The following DST variants were observed in gnomAD, a reference collection of about 807,000 sequenced individuals.
DST encodes dystonin.
DST carries 253 observed loss-of-function variants against 875.2 expected under a neutral mutation model. That is an observed-to-expected ratio of 0.29 (90% CI 0.26 to 0.32). The LOEUF (loss-of-function observed/expected upper bound fraction) is 0.32, where lower values mean the gene tolerates loss of function less well. Among genes scored for constraint, DST ranks in the 10% least tolerant of loss-of-function variants. The pLI, the probability that DST is intolerant of heterozygous loss-of-function variation, is 1.00. For synonymous variants in DST, 3,124 were observed against 3,197.1 expected (o/e 0.98, Z 0.77); for missense variants, 8,287 against 9,111.6 (o/e 0.91, Z 3.68).
intron 82 of DST, among the ~76,000 whole-genome samples, chr6:56,496,115 T>C (rs2095892830): frequency 6.6e-6 from 1 of 152,180 alleles, no homozygotes; most frequent in African/African-American, 2.4e-5. Context: ...ATTTCTGATG[T>C]AAATTCACAA....
intron 58 of DST, among the ~76,000 whole-genome samples, chr6:56,558,784 T>C (rs899634555): frequency 3.3e-5 from 5 of 152,126 alleles, no homozygotes; most frequent in Admixed American, 2.6e-4. Context: ...CTCTAATCTA[T>C]CCCTGCTGAT....
At chr6:56,672,421 C>G (rs1415075979) in intron 9 of DST, among the ~76,000 whole-genome samples, 1 of 152,184 alleles carries the variant, frequency 6.6e-6, no homozygotes, top group Non-Finnish European at 1.5e-5. Flanking sequence ...GAATCTGTGC[C>G]AAACTCCAGA....
intron 86 of DST, 129 bp downstream of exon 86, chr6:56,489,361 T>G (rs2095664317): frequency 1.1e-6 from 1 of 873,758 alleles, no homozygotes; most frequent in South Asian, 3.9e-5. Context: ...AGCTTTTAAA[T>G]TTAATACAGG....
At chr6:56,849,699 T>C (rs1196305722) in intron 4 of DST, among the ~76,000 whole-genome samples, 1 of 151,940 alleles carries the variant, frequency 6.6e-6, no homozygotes, top group Non-Finnish European at 1.5e-5. Flanking sequence ...CCCAGTAGAG[T>C]TTTTCCCAAT....
intron 36 of DST, among the ~76,000 whole-genome samples, chr6:56,622,731 C>A (rs1317552238): frequency 1.3e-5 from 2 of 152,116 alleles, no homozygotes; most frequent in African/African-American, 4.8e-5. Context: ...TTCTCTAAAT[C>A]TTCCTCAATC....
chr6:56,594,446 C>T (rs565803646), intron 47 of DST, among the ~76,000 whole-genome samples: 1 of 152,288 alleles, frequency 6.6e-6, no homozygotes, highest in East Asian at 1.9e-4. Context: ...ATAGGACAGA[C>T]ACCATTTTTC....
At position 56,593,711 on chromosome 6, in the gene DST, C is replaced by T; in HGVS notation, c.12678G>A (p.Gln4226=). ...GATCAGTAGCATGATCCAACTTGCGCTGCACTTCTCTGTGGGTTGCAGAAG... is the reference window on the plus strand; with the variant it reads ...GATCAGTAGCATGATCCAACTTGCGTTGCACTTCTCTGTGGGTTGCAGAAG... ...VDTSATHREV[Q]RKLDHATDRF... is the part of the protein sequence containing the mutation. Residue 4226 remains glutamine, a synonymous_variant, in exon 48 of 104, where the codon CAG becomes CAA. Transcript: ENST00000680361. The T allele has an allele frequency of 6.2e-7, 1 of 1,612,786 alleles. No homozygotes were observed. Among genetic ancestry groups the T allele is most frequent in the East Asian group, 2.2e-5 (1 of 44,852 alleles).
At chr6:56,826,268 T>G (rs1244643659) in intron 4 of DST, among the ~76,000 whole-genome samples, 2 of 152,248 alleles carry the variant, frequency 1.3e-5, no homozygotes, top group African/African-American at 4.8e-5. Flanking sequence ...AGATGGTCTA[T>G]TAAGTCAATG....
Position 56,625,075 on chromosome 6 carries a change from TACC to T in DST, c.4830+79_4830+81del, listed in dbSNP as rs369613282. The T allele has an allele frequency of 5.2e-4, 510 of 987,780 alleles. 2 individuals carry two copies. The East Asian group carries it at 0.011, about 21-fold the overall frequency. The allele number at this position is 987,780 out of a possible 1,614,324, so 61.2% of individuals were successfully genotyped here. On this transcript the variant is annotated intron_variant, in intron 35 of 103. Coordinates refer to ENST00000680361, the MANE Select transcript of DST (RefSeq NM_001374736.1). The stretch of plus-strand genomic sequence containing the variant: ...AGTAAGTTTTATACTATGTATATTT[TACC>T]ACAACAAAAAATAAAATTTAAAAAG...
chr6:56,730,046 A>C (rs1040426486), intron 5 of DST, among the ~76,000 whole-genome samples: 1 of 152,232 alleles, frequency 6.6e-6, no homozygotes, highest in African/African-American at 2.4e-5. Flanking sequence ...AGTTTACAAA[A>C]AGAAAAAATA....
At chr6:56,879,582 T>A (rs1781127633) in intron 3 of DST, among the ~76,000 whole-genome samples, 1 of 152,258 alleles carries the variant, frequency 6.6e-6, no homozygotes, top group Non-Finnish European at 1.5e-5. Flanking sequence ...GAATTATACC[T>A]TTCTTACAGA....
At position 56,632,145 on chromosome 6, in the gene DST, A is replaced by T. The variant is rs115947332; in HGVS notation, c.3806-105T>A. 1.2e-3 allele frequency: 918 copies of T among 772,198 alleles called. 1 individual carries two copies. Among genetic ancestry groups the T allele is most frequent in the South Asian group, 3.1e-3 (174 of 55,486 alleles). The allele number at this position is 772,198 out of a possible 1,614,324, so 47.8% of individuals were successfully genotyped here. The stretch of plus-strand genomic sequence containing the variant: ...TTATATTACTGGGACACAGCTAGTC[A>T]AGCAAATGATTCCTGTTTTCATCAC... On this transcript the variant is annotated intron_variant, in intron 28 of 103. Transcript: ENST00000680361.
intron 4 of DST, among the ~76,000 whole-genome samples, chr6:56,823,354 T>C (rs2099775396): frequency 6.6e-6 from 1 of 152,246 alleles, no homozygotes; most frequent in Non-Finnish European, 1.5e-5. Flanking sequence ...CAACAGTTCA[T>C]TTTGCCTATC....
rs532615337 is a variant in DST at position 56,849,424 on chromosome 6, G to C, written c.625+1973C>G. ...TGCTGGGATTACAGGCATGAGCCAC[G>C]ACACCTGGCCTGTAAATTCTAAAGA... On this transcript the variant is annotated intron_variant, in intron 4 of 103. Coordinates refer to ENST00000680361, the MANE Select transcript of DST (RefSeq NM_001374736.1). 2.6e-5 allele frequency among the ~76,000 whole-genome samples: 4 copies of C among 152,160 alleles called. No homozygotes were observed. In the East Asian group the frequency reaches 7.7e-4, roughly 29 times the overall value.
chr6:56,941,962 C>T (rs996976986), intron 2 of DST, among the ~76,000 whole-genome samples: 5 of 152,116 alleles, frequency 3.3e-5, no homozygotes, highest in African/African-American at 1.2e-4. Context: ...TCCGCCTTTA[C>T]TTTTGAAATG....
chr6:56,626,185 T>C (rs911976651), intron 34 of DST, among the ~76,000 whole-genome samples: 1 of 152,094 alleles, frequency 6.6e-6, no homozygotes, highest in African/African-American at 2.4e-5. Flanking sequence ...AAGAAATTTT[T>C]TTATAAGCTA....
intron 72 of DST, 149 bp from the exon 73 acceptor site, chr6:56,511,549 C>T: frequency 3.1e-6 from 2 of 647,064 alleles, no homozygotes; most frequent in South Asian, 3.9e-5. Flanking sequence ...TCATACAGCT[C>T]TTTGCCAGGA....
intron 35 of DST, 25 bp downstream of exon 35, chr6:56,625,132 C>T: frequency 1.3e-6 from 2 of 1,492,226 alleles, no homozygotes; most frequent in African/African-American, 2.8e-5. Flanking sequence ...TGCCCCTTCC[C>T]CTCTTTCTCT....
At chr6:56,740,396 C>T (rs1005171022) in intron 4 of DST, among the ~76,000 whole-genome samples, 7 of 152,180 alleles carry the variant, frequency 4.6e-5, no homozygotes, top group African/African-American at 1.7e-4. Context: ...GAGAGAAGTA[C>T]ATGGCACTCA....
Sources: allele counts gnomAD v4.1 joint callset (sites outside exome capture counted in the v4.1 genomes callset), GRCh38; gene constraint gnomAD v4.1.1; transcripts MANE v1.5; gene names NCBI Gene and HGNC (gene_info 2026-07-23, HGNC 2026-07-21).